UNC13C: variants seen among roughly 807,000 people sequenced by gnomAD.
The protein encoded by UNC13C is unc-13 homolog C, also known as protein unc-13 homolog C.
A neutral mutation model predicts 245.4 loss-of-function variants in UNC13C; 174 were observed. The ratio of observed to expected loss-of-function variants is 0.71; its 90% confidence interval spans 0.63 to 0.80. The LOEUF (loss-of-function observed/expected upper bound fraction) is 0.80. Ranked by LOEUF, UNC13C falls within the 30% of genes least tolerant of loss-of-function variation. The pLI is 0.00. For synonymous variants in UNC13C, 992 were observed against 895.1 expected (o/e 1.11, Z -1.93); for missense variants, 2,829 against 2,602.9 (o/e 1.09, Z -1.89).
At chr15:54,152,999 A>C (rs923839918) in intron 4 of UNC13C, among the ~76,000 whole-genome samples, 1 of 152,218 alleles carries the variant, frequency 6.6e-6, no homozygotes, top group Admixed American at 6.5e-5. Context: ...CAGACAGACT[A>C]TATAGTAGTC....
chr15:54,025,973 T>G (rs767169915), intron 2 of UNC13C, among the ~76,000 whole-genome samples: 21 of 152,208 alleles, frequency 1.4e-4, no homozygotes, highest in Non-Finnish European at 3.1e-4. Context: ...ATGCTGACAG[T>G]GTCTTGTGGA....
intron 2 of UNC13C, chr15:54,049,032 T>C (rs1897161085): frequency 5.2e-6 from 2 of 384,220 alleles, no homozygotes; most frequent in East Asian, 1.5e-4. Context: ...CCCAAATCGT[T>C]TCACAGAAGT....
intron 29 of UNC13C, among the ~76,000 whole-genome samples, chr15:54,556,636 C>G (rs28593470): frequency 0.019 from 2,821 of 151,864 alleles, 81 homozygotes; most frequent in African/African-American, 0.061. Context: ...AAAAGAAATA[C>G]AATAAAAAAC....
chr15:53,886,514 A>T, the UNC13C span, among the ~76,000 whole-genome samples: 2 of 152,170 alleles, frequency 1.3e-5, no homozygotes, highest in African/African-American at 4.8e-5. Flanking sequence ...CTATAAGTAA[A>T]TAACTGAATA....
At chr15:54,225,090 C>G (rs1243196720) in intron 4 of UNC13C, among the ~76,000 whole-genome samples, 3 of 78,370 alleles carry the variant, frequency 3.8e-5, no homozygotes, top group African/African-American at 1.7e-4. Context: ...TTTTCAATAG[C>G]TTTTTTTCAT....
chr15:54,014,097 A>G lies in UNC13C; in HGVS notation c.1194A>G (p.Lys398=). 6.2e-7 allele frequency: 1 copy of G among 1,613,714 alleles called. No homozygotes were observed. Among genetic ancestry groups the G allele is most frequent in the Non-Finnish European group, 8.5e-7 (1 of 1,179,812 alleles). The change falls in exon 2 of 33, where the codon AAA becomes AAG. Residue 398 remains lysine, a synonymous_variant. Coordinates refer to ENST00000260323, the MANE Select transcript of UNC13C (RefSeq NM_001080534.3). The part of the protein sequence containing the change: ...DSVLKKSYKL[K]GTGIGISTDI... ...TCTTAAAAAAGTCATATAAACTCAA[A>G]GGAACAGGCATTGGAATCTCAACAG...
At chr15:53,991,658 A>C (rs1434853463) in intron 1 of UNC13C, among the ~76,000 whole-genome samples, 1 of 152,044 alleles carries the variant, frequency 6.6e-6, no homozygotes, top group Non-Finnish European at 1.5e-5. Flanking sequence ...TCTTGCCTCT[A>C]GGAACTGCAT....
At chr15:54,264,522 G>A in intron 9 of UNC13C, 127 bp downstream of exon 9, 1 of 745,050 alleles carries the variant, frequency 1.3e-6, no homozygotes, top group Non-Finnish European at 2.2e-6. Flanking sequence ...ATATGAACAA[G>A]ACTAGTTGGT....
At chr15:54,108,094 G>A (rs910877419) in intron 2 of UNC13C, among the ~76,000 whole-genome samples, 8 of 152,116 alleles carry the variant, frequency 5.3e-5, no homozygotes, top group East Asian at 1.9e-4. Context: ...ATTCTGTTTC[G>A]CAGGAATCAA....
intron 19 of UNC13C, among the ~76,000 whole-genome samples, chr15:54,451,338 G>T (rs1300765912): frequency 6.6e-6 from 1 of 152,030 alleles, no homozygotes; most frequent in Non-Finnish European, 1.5e-5. Flanking sequence ...TGTAAGGGAT[G>T]TAAGCTTTAC....
rs745753424 is a variant in UNC13C, at chr15:54,012,989, C to T, written c.86C>T (p.Thr29Ile). The T allele has an allele frequency of 4.3e-6, 7 of 1,613,642 alleles. No individual in the cohort carries two copies. In the South Asian group the frequency reaches 5.5e-5, roughly 13 times the overall value. Residue 29 changes from threonine (T) to isoleucine (I), a missense_variant, in exon 2 of 33, where the codon ACA becomes ATA. Thr to Ile is a moderately conservative substitution (Grantham distance 89, BLOSUM62 -1). Transcript: ENST00000260323. ...KGMFTKKLGN[T>I]NKNKEYRQQK... Reference sequence around the variant, plus strand: ...ATGTTTACAAAGAAATTGGGAAATACAAACAAAAACAAAGAGTATCGTCAG... The same window carrying T: ...ATGTTTACAAAGAAATTGGGAAATATAAACAAAAACAAAGAGTATCGTCAG...
intron 18 of UNC13C, among the ~76,000 whole-genome samples, chr15:54,407,051 C>T (rs1313352131): frequency 1.3e-5 from 2 of 151,994 alleles, no homozygotes; most frequent in South Asian, 2.1e-4. Flanking sequence ...GCCAGATGGT[C>T]AGAGCAGGAT....
intron 2 of UNC13C, among the ~76,000 whole-genome samples, chr15:54,122,911 T>A (rs959930502): frequency 6.6e-6 from 1 of 152,102 alleles, no homozygotes; most frequent in Non-Finnish European, 1.5e-5. Context: ...AAAGCTGCTA[T>A]GAAATTTCAC....
chr15:53,909,396 C>T, the UNC13C span, among the ~76,000 whole-genome samples: 4 of 146,628 alleles, frequency 2.7e-5, 1 homozygote, highest in Non-Finnish European at 6.1e-5. Flanking sequence ...ACATGATTCT[C>T]CTGCTGATAG....
At position 54,015,232 on chromosome 15, in the gene UNC13C, AAATCATGGCAT is replaced by A; in HGVS notation, c.2331_2341del (p.Trp779IlefsTer4). 1 of 1,613,436 alleles carries A rather than the reference AAATCATGGCAT, an allele frequency of 6.2e-7. No homozygotes were observed. The highest frequency in any genetic ancestry group is 8.5e-7 in the Non-Finnish European group (1 of 1,179,732). Reference sequence around the variant, plus strand: ...TGATGATTCAGAGGATGCCCCACCCAAATCATGGCATAGTCGATTAAGCATTGACCTTTCTG... The same window carrying A: ...TGATGATTCAGAGGATGCCCCACCCAAGTCGATTAAGCATTGACCTTTCTG... On this transcript the variant is annotated frameshift_variant, in exon 2 of 33. Coordinates refer to ENST00000260323, the MANE Select transcript of UNC13C (RefSeq NM_001080534.3). LOFTEE classifies it high-confidence loss of function.
the UNC13C span, among the ~76,000 whole-genome samples, chr15:53,926,840 C>T: frequency 6.6e-6 from 1 of 152,132 alleles, no homozygotes; most frequent in African/African-American, 2.4e-5. Context: ...AATGGAACGG[C>T]AGGACAGGAT....
intron 2 of UNC13C, among the ~76,000 whole-genome samples, chr15:54,021,031 A>T (rs1895880870): frequency 6.6e-6 from 1 of 152,114 alleles, no homozygotes; most frequent in Non-Finnish European, 1.5e-5. Context: ...TGTTTTTTTA[A>T]TTGACATTTT....
intron 10 of UNC13C, among the ~76,000 whole-genome samples, chr15:54,285,175 G>T (rs1267534546): frequency 1.3e-5 from 2 of 151,576 alleles, no homozygotes; most frequent in African/African-American, 4.9e-5. Context: ...TGTTTCCTAT[G>T]TTATTGACTT....
chr15:54,588,108 C>T (rs1396176992), intron 30 of UNC13C, among the ~76,000 whole-genome samples: 2 of 152,094 alleles, frequency 1.3e-5, no homozygotes. Context: ...GACACCCTTC[C>T]CCTGACCAGC....
Sources: allele counts gnomAD v4.1 joint callset (sites outside exome capture counted in the v4.1 genomes callset), GRCh38; gene constraint gnomAD v4.1.1; transcripts MANE v1.5; gene names NCBI Gene and HGNC (gene_info 2026-07-23, HGNC 2026-07-21).